The following RELN variants were observed in gnomAD, a reference collection of about 807,000 sequenced individuals.
RELN encodes the protein reelin.
RELN carries 108 observed loss-of-function variants against 427.6 expected under a neutral mutation model. The observed-to-expected ratio is 0.25, with a 90% confidence interval of 0.22 to 0.30. RELN has a LOEUF of 0.30. Ranked by LOEUF, RELN falls within the 10% of genes least tolerant of loss-of-function variation. The pLI is 1.00. For missense variants in RELN, 3,715 were observed against 4,302.8 expected (o/e 0.86, Z 3.82); for synonymous variants, 1,524 against 1,513.4 (o/e 1.01, Z -0.16).
At chr7:103,856,603 A>G (rs34872530) in intron 2 of RELN, among the ~76,000 whole-genome samples, 15,233 of 141,460 alleles carry the variant, frequency 0.11, 1,061 homozygotes, top group East Asian at 0.26. Context: ...GAAAGAAAGA[A>G]AAAAGCAAAT....
Position 103,989,108 on chromosome 7 carries a change from C to A in RELN, c.226+23G>T, listed in dbSNP as rs368498253. 110 of 1,606,694 alleles carry A rather than the reference C, an allele frequency of 6.8e-5. No individual in the cohort carries two copies. The highest frequency in any genetic ancestry group is 1.8e-4 in the Middle Eastern group (1 of 5,604). On this transcript the variant is annotated intron_variant, in intron 1 of 64. Transcript: ENST00000428762. This position sits in a 1 kb window ranked among gnomAD's most constrained non-coding sequence, Gnocchi z 4.9. ...GGCGGGCGCACCCGGCGGCGGCGAG[C>A]GCGGAGGTGCTGCGGTACCTACCAT...
intron 63 of RELN, among the ~76,000 whole-genome samples, chr7:103,480,791 AAAATTC>A (rs1346575252): frequency 1.3e-5 from 2 of 152,236 alleles, no homozygotes; most frequent in Non-Finnish European, 2.9e-5. Context: ...GACTTGGAGT[AAAATTC>A]AAAGCATACA....
chr7:103,749,367 C>T, intron 6 of RELN, 59 bp downstream of exon 6: 2 of 1,258,210 alleles, frequency 1.6e-6, no homozygotes, highest in South Asian at 1.2e-5. Context: ...CTTAAAGGAG[C>T]AGTCAGCATC....
intron 2 of RELN, among the ~76,000 whole-genome samples, chr7:103,908,101 C>T (rs1326700331): frequency 6.6e-6 from 1 of 152,098 alleles, no homozygotes; most frequent in African/African-American, 2.4e-5. Context: ...CTGCAATAGT[C>T]ATCACTGGCC....
intron 28 of RELN, among the ~76,000 whole-genome samples, chr7:103,585,531 T>A (rs1435801584): frequency 6.6e-6 from 1 of 152,012 alleles, no homozygotes; most frequent in East Asian, 1.9e-4. Context: ...AACATGCCAA[T>A]AATAAGTAAT....
intron 2 of RELN, among the ~76,000 whole-genome samples, chr7:103,836,188 GACC>G (rs897858911): frequency 1.3e-5 from 2 of 151,792 alleles, no homozygotes; most frequent in Non-Finnish European, 2.9e-5. Context: ...GCTGGTTTTG[GACC>G]ACAAGTGATC....
At chr7:103,889,139 C>T (rs987787627) in intron 2 of RELN, among the ~76,000 whole-genome samples, 27 of 152,138 alleles carry the variant, frequency 1.8e-4, no homozygotes, top group African/African-American at 5.8e-4. Flanking sequence ...GCAGAGAGAC[C>T]GTTTATACCA....
At chr7:103,867,606 T>C (rs1386998392) in intron 2 of RELN, among the ~76,000 whole-genome samples, 1 of 152,084 alleles carries the variant, frequency 6.6e-6, no homozygotes, top group Non-Finnish European at 1.5e-5. Flanking sequence ...ATTCTTTCCA[T>C]TGAAATAAAC....
intron 1 of RELN, among the ~76,000 whole-genome samples, chr7:103,963,213 A>G (rs1796598518): frequency 7.0e-6 from 1 of 143,344 alleles, no homozygotes; most frequent in South Asian, 2.2e-4. Flanking sequence ...CTTTCTTCCT[A>G]TACAAGCCTT....
chr7:103,491,830 T>C, intron 58 of RELN, 123 bp downstream of exon 58: 1 of 488,100 alleles, frequency 2.0e-6, no homozygotes, highest in Non-Finnish European at 3.6e-6. Flanking sequence ...ACTGTCTCTC[T>C]CTCTCTCTCT....
chr7:103,910,539 C>G (rs575725636), intron 2 of RELN, among the ~76,000 whole-genome samples: 207 of 149,890 alleles, frequency 1.4e-3, no homozygotes, highest in Non-Finnish European at 2.0e-3. Context: ...GAGCCCGCAT[C>G]GCCAAGTCAA....
intron 41 of RELN, among the ~76,000 whole-genome samples, chr7:103,547,545 C>T (rs1010366382): frequency 1.2e-4 from 19 of 152,220 alleles, no homozygotes; most frequent in Non-Finnish European, 2.2e-4. Flanking sequence ...GATCCGCCCA[C>T]CTTGGCCTCT....
At chr7:103,558,147 A>G in intron 36 of RELN, 98 bp from the exon 37 acceptor site, 2 of 683,786 alleles carry the variant, frequency 2.9e-6, no homozygotes, top group Admixed American at 4.5e-5. Flanking sequence ...TAAGTAATAA[A>G]TACATATCAT....
chr7:103,756,661 T>C (rs1312246542), intron 4 of RELN, among the ~76,000 whole-genome samples: 1 of 152,190 alleles, frequency 6.6e-6, no homozygotes, highest in African/African-American at 2.4e-5. Flanking sequence ...TCCTTTATTA[T>C]AAGTGGTCTG....
chr7:103,523,953 A>G (rs1391591029), intron 46 of RELN, among the ~76,000 whole-genome samples: 1 of 152,228 alleles, frequency 6.6e-6, no homozygotes, highest in East Asian at 1.9e-4. Flanking sequence ...CGGGGATTAC[A>G]GGCATGAGCC....
At chr7:103,610,319 G>A (rs551858658) in intron 22 of RELN, among the ~76,000 whole-genome samples, 5 of 152,198 alleles carry the variant, frequency 3.3e-5, no homozygotes, top group South Asian at 4.1e-4. Flanking sequence ...GGTTTGCAAC[G>A]AGAAAACAGC....
At chr7:103,972,399 T>C (rs980986330) in intron 1 of RELN, among the ~76,000 whole-genome samples, 4 of 152,246 alleles carry the variant, frequency 2.6e-5, no homozygotes, top group Non-Finnish European at 2.9e-5. Flanking sequence ...AGCTTGGTCC[T>C]GAGAACTACG....
intron 21 of RELN, among the ~76,000 whole-genome samples, chr7:103,611,176 T>C: frequency 6.6e-6 from 1 of 152,208 alleles, no homozygotes; most frequent in Admixed American, 6.5e-5. Flanking sequence ...GGCAGATTGC[T>C]AAGACATGTA....
Position 103,569,194 on chromosome 7 carries a change from G to C in RELN, c.4589-2435C>G, listed in dbSNP as rs1025618292. 1.3e-5 allele frequency among the ~76,000 whole-genome samples: 2 copies of C among 152,186 alleles called. No homozygotes were observed. Among genetic ancestry groups the C allele is most frequent in the African/African-American group, 4.8e-5 (2 of 41,454 alleles). On this transcript the variant is annotated intron_variant, in intron 31 of 64. Coordinates refer to ENST00000428762, the MANE Select transcript of RELN (RefSeq NM_005045.4). The surrounding 1 kb of genome is among the most constrained non-coding windows in gnomAD (Gnocchi z 4.0). ...TAGTAAGGACATTCAAGCAGCCTAT[G>C]GACAGGTCTACAGAGTGAGAAACTG...
Sources: gnomAD v4.1 joint callset for allele counts (sites outside exome capture counted in the v4.1 genomes callset) on GRCh38, gnomAD v4.1.1 for gene constraint, Gnocchi (gnomAD v3.1) non-coding constraint, MANE v1.5 for transcripts, NCBI Gene and HGNC (gene_info 2026-07-23, HGNC 2026-07-21) for gene names.